Variants in PCOLCE2 observed in about 807,000 individuals in gnomAD.
PCOLCE2 encodes procollagen C-endopeptidase enhancer 2, also known as procollagen C-proteinase enhancer 2.
PCOLCE2 carries 42 observed loss-of-function variants against 47.0 expected under a neutral mutation model. The ratio of observed to expected loss-of-function variants is 0.89; its 90% CI spans 0.70 to 1.16. PCOLCE2 has a LOEUF of 1.16. Among genes scored for constraint, PCOLCE2 ranks in the 50% most tolerant of loss-of-function variants. The pLI, the probability that PCOLCE2 is intolerant of heterozygous loss-of-function variation, is 0.00. For missense variants in PCOLCE2, 500 were observed against 526.1 expected, an observed-to-expected ratio of 0.95 and a Z score of 0.49; for synonymous variants, 169 against 191.7, an observed-to-expected ratio of 0.88 and a Z score of 0.98.
intron 7 of PCOLCE2, among the ~76,000 whole-genome samples, chr3:142,821,612 G>C (rs1012166343): frequency 6.6e-6 from 1 of 151,564 alleles, no homozygotes; most frequent in Non-Finnish European, 1.5e-5. Context: ...TGTCTTCTAC[G>C]GTCTTTCATA....
chr3:142,851,806 G>A (rs370889446), intron 2 of PCOLCE2, among the ~76,000 whole-genome samples: 2 of 152,154 alleles, frequency 1.3e-5, no homozygotes, highest in South Asian at 4.2e-4. Context: ...GAATAGGGAG[G>A]TATAATCATG....
intron 2 of PCOLCE2, among the ~76,000 whole-genome samples, chr3:142,857,291 CAG>C (rs1933081788): frequency 6.6e-6 from 1 of 152,198 alleles, no homozygotes; most frequent in African/African-American, 2.4e-5. Context: ...TTCATGTGAT[CAG>C]TGTGTGTCCT....
intron 5 of PCOLCE2, among the ~76,000 whole-genome samples, 165 bp from the exon 6 acceptor site, chr3:142,830,011 C>T (rs1937127864): frequency 6.6e-6 from 1 of 152,088 alleles, no homozygotes; most frequent in Non-Finnish European, 1.5e-5. Context: ...TAACATTTAC[C>T]GAGTGTTTGC....
chr3:142,839,305 C>T (rs1443233692), intron 4 of PCOLCE2, among the ~76,000 whole-genome samples: 4 of 151,794 alleles, frequency 2.6e-5, no homozygotes, highest in African/African-American at 9.7e-5. Flanking sequence ...TTCAAAATTG[C>T]TGAGAGTAAA....
intron 2 of PCOLCE2, among the ~76,000 whole-genome samples, chr3:142,880,819 A>G (rs1163315829): frequency 2.0e-5 from 3 of 152,244 alleles, no homozygotes; most frequent in African/African-American, 4.8e-5. Flanking sequence ...AACCCTGGGA[A>G]GTCAAACAAA....
intron 6 of PCOLCE2, chr3:142,827,349 G>T: frequency 6.7e-7 from 1 of 1,484,400 alleles, no homozygotes; most frequent in Non-Finnish European, 9.4e-7. Context: ...TTGTCAGTTC[G>T]GCCACCTCCA....
chr3:142,819,651 AT>A (rs1459314453), intron 8 of PCOLCE2, among the ~76,000 whole-genome samples: 1 of 151,834 alleles, frequency 6.6e-6, no homozygotes, highest in Non-Finnish European at 1.5e-5. Context: ...TTATTTTTAA[AT>A]TTTTTTCTTT....
chr3:142,857,343 G>A (rs1933082478), intron 2 of PCOLCE2, among the ~76,000 whole-genome samples: 1 of 152,152 alleles, frequency 6.6e-6, no homozygotes, highest in Non-Finnish European at 1.5e-5. Flanking sequence ...GTCAGGAAAG[G>A]GTTTGGAAAG....
chr3:142,849,417 A>C (rs1229897201), intron 2 of PCOLCE2, among the ~76,000 whole-genome samples: 1 of 152,194 alleles, frequency 6.6e-6, no homozygotes, highest in Non-Finnish European at 1.5e-5. Flanking sequence ...TATGTCAGGA[A>C]GCCTTGAGAC....
intron 2 of PCOLCE2, among the ~76,000 whole-genome samples, chr3:142,865,641 C>T (rs1277103002): frequency 6.6e-6 from 1 of 152,080 alleles, no homozygotes; most frequent in African/African-American, 2.4e-5. Flanking sequence ...GGATGGAGGG[C>T]CTCTCACTGC....
Position 142,881,478 on chromosome 3 carries a change from T to C in PCOLCE2, c.192+6191A>G, listed in dbSNP as rs187214804. Among the ~76,000 whole-genome samples, 291 of 152,332 alleles carry C rather than the reference T, an allele frequency of 1.9e-3. 1 individual carries two copies. The highest frequency in any genetic ancestry group is 3.2e-3 in the Non-Finnish European group (216 of 68,034). ...CATGCATTGTTTAATGATGGAGATA[T>C]ATTCTGAAAAATGCATCATTAGGTG... is the stretch of plus-strand genomic sequence containing the variant. On this transcript the variant is annotated intron_variant, in intron 2 of 8. Transcript: ENST00000295992.
intron 2 of PCOLCE2, among the ~76,000 whole-genome samples, chr3:142,860,509 A>G (rs1465320519): frequency 6.6e-6 from 1 of 151,978 alleles, no homozygotes; most frequent in Non-Finnish European, 1.5e-5. Context: ...CCCAAGCTCA[A>G]GCTATTCTCC....
At chr3:142,861,064 G>A (rs911903228) in intron 2 of PCOLCE2, among the ~76,000 whole-genome samples, 6 of 152,204 alleles carry the variant, frequency 3.9e-5, no homozygotes, top group Non-Finnish European at 7.3e-5. Flanking sequence ...GTACACCTCT[G>A]AAAATGTCTT....
rs1937271418 is a variant in PCOLCE2, at chr3:142,842,296, CCA to C, written c.573+626_573+627del. ...CATGGACCTGGGGATTTTTATCCTC[CCA>C]CAGTTAGTCGCTGCTGCTTATAACA... On this transcript the variant is annotated intron_variant, in intron 4 of 8. Coordinates refer to ENST00000295992, the MANE Select transcript of PCOLCE2 (RefSeq NM_013363.4). This position sits in a 1 kb window ranked among gnomAD's most constrained non-coding sequence, Gnocchi z 4.1. 6.6e-6 allele frequency among the ~76,000 whole-genome samples: 1 copy of C among 152,058 alleles called. No homozygotes were observed. Among genetic ancestry groups the C allele is most frequent in the African/African-American group, 2.4e-5 (1 of 41,392 alleles).
chr3:142,838,892 C>T lies in PCOLCE2; in HGVS notation c.588G>A (p.Lys196=), dbSNP rs1937234454. The T allele has an allele frequency of 6.2e-7, 1 of 1,612,212 alleles. No homozygotes were observed. The highest frequency in any genetic ancestry group is 8.5e-7 in the Non-Finnish European group (1 of 1,178,288). The change falls in exon 5 of 9, where the codon AAG becomes AAA. Residue 196 remains lysine, a synonymous_variant. Coordinates refer to ENST00000295992, the MANE Select transcript of PCOLCE2 (RefSeq NM_013363.4). The part of the protein sequence containing the change: ...VAPKNQLIEL[K]FEKFDVERDN... Reference sequence around the variant, plus strand: ...CTCGCTCCACATCAAACTTCTCAAACTTTAATTCTATAAGCTTTAGAGAAA... The same window carrying T: ...CTCGCTCCACATCAAACTTCTCAAATTTTAATTCTATAAGCTTTAGAGAAA...
At chr3:142,844,317 CTGCTGATGGG>C (rs1937300153) in intron 3 of PCOLCE2, among the ~76,000 whole-genome samples, 1 of 152,138 alleles carries the variant, frequency 6.6e-6, no homozygotes, top group Non-Finnish European at 1.5e-5. Context: ...ACCCATTCTC[CTGCTGATGGG>C]TGGTTTCTAG....
chr3:142,847,989 T>C (rs558469198), intron 3 of PCOLCE2, among the ~76,000 whole-genome samples: 1 of 152,378 alleles, frequency 6.6e-6, no homozygotes, highest in Admixed American at 6.5e-5. Flanking sequence ...TGTGCTTATG[T>C]ATGTAAGCTC....
intron 5 of PCOLCE2, among the ~76,000 whole-genome samples, chr3:142,837,377 T>C (rs1440767719): frequency 6.6e-6 from 1 of 152,236 alleles, no homozygotes; most frequent in Non-Finnish European, 1.5e-5. Context: ...CCTTCTCCAA[T>C]ATATTCATCT....
intron 2 of PCOLCE2, among the ~76,000 whole-genome samples, chr3:142,855,627 A>T (rs1488796428): frequency 7.9e-5 from 12 of 152,182 alleles, no homozygotes; most frequent in Non-Finnish European, 1.8e-4. Context: ...GACATTTCCC[A>T]GCCTCTCTTG....
Sources: gnomAD v4.1 joint callset for allele counts (sites outside exome capture counted in the v4.1 genomes callset) on GRCh38, gnomAD v4.1.1 for gene constraint, Gnocchi (gnomAD v3.1) non-coding constraint, MANE v1.5 for transcripts, NCBI Gene and HGNC (gene_info 2026-07-23, HGNC 2026-07-21) for gene names.